KIF6: variants seen among roughly 807,000 people sequenced by gnomAD.
KIF6 encodes kinesin family member 6.
In KIF6, 106 loss-of-function variants were observed where a neutral mutation model predicts 112.7. The ratio of observed to expected loss-of-function variants is 0.94; its 90% CI spans 0.80 to 1.11. KIF6 has a LOEUF of 1.11. KIF6 is among the 50% of genes least tolerant of loss of function. The pLI is 0.00. For missense variants in KIF6, 929 were observed against 964.0 expected (o/e 0.96, Z 0.48); for synonymous variants, 339 against 339.9 (o/e 1.00, Z 0.03).
At chr6:39,663,274 T>G (rs999576802) in intron 3 of KIF6, among the ~76,000 whole-genome samples, 4 of 152,206 alleles carry the variant, frequency 2.6e-5, no homozygotes, top group Non-Finnish European at 5.9e-5. Context: ...AATTTAAATT[T>G]TGAAACAAGA....
intron 5 of KIF6, among the ~76,000 whole-genome samples, chr6:39,616,822 T>C (rs1783547046): frequency 6.6e-6 from 1 of 152,322 alleles, no homozygotes; most frequent in South Asian, 2.1e-4. Flanking sequence ...GAGAGTGTTT[T>C]AAATTCTACT....
intron 10 of KIF6, among the ~76,000 whole-genome samples, chr6:39,555,441 A>C (rs1779644379): frequency 2.0e-5 from 3 of 151,884 alleles, no homozygotes; most frequent in Non-Finnish European, 4.4e-5. Flanking sequence ...CCTCTTGTGT[A>C]TGCTACCCTG....
intron 3 of KIF6, among the ~76,000 whole-genome samples, chr6:39,670,466 T>G (rs746953745): frequency 8.6e-5 from 13 of 152,038 alleles, no homozygotes; most frequent in Non-Finnish European, 1.3e-4. Context: ...ATTAAGAAAA[T>G]TATAAGGAAG....
chr6:39,684,158 T>C (rs1787705078), intron 3 of KIF6, among the ~76,000 whole-genome samples: 1 of 152,170 alleles, frequency 6.6e-6, no homozygotes, highest in Non-Finnish European at 1.5e-5. Context: ...CAGATACTCA[T>C]GAAGGGAGAC....
intron 2 of KIF6, chr6:39,715,100 G>A: frequency 5.2e-6 from 1 of 190,626 alleles, no homozygotes; most frequent in Non-Finnish European, 1.1e-5. Context: ...AAACCAGATA[G>A]CTGCATGAAA....
chr6:39,401,109 A>G (rs1768666047), intron 15 of KIF6, among the ~76,000 whole-genome samples: 1 of 152,254 alleles, frequency 6.6e-6, no homozygotes, highest in Non-Finnish European at 1.5e-5. Context: ...TGAAGAAGAG[A>G]TAAGTATCTG....
chr6:39,644,080 C>T (rs1254684927), intron 3 of KIF6, among the ~76,000 whole-genome samples: 2 of 151,834 alleles, frequency 1.3e-5, no homozygotes, highest in African/African-American at 4.8e-5. Flanking sequence ...TAAAAAGATG[C>T]TCAACATAAT....
intron 10 of KIF6, among the ~76,000 whole-genome samples, chr6:39,555,449 C>T (rs966172536): frequency 3.3e-5 from 5 of 152,096 alleles, no homozygotes; most frequent in Non-Finnish European, 5.9e-5. Flanking sequence ...GTATGCTACC[C>T]TGCTGGGCCC....
chr6:39,608,094 C>T (rs2150709864), intron 6 of KIF6, among the ~76,000 whole-genome samples: 1 of 152,270 alleles, frequency 6.6e-6, no homozygotes, highest in South Asian at 2.1e-4. Flanking sequence ...AACCCCAACT[C>T]ACACCCTGTC....
At chr6:39,609,642 T>C (rs1375322168) in intron 6 of KIF6, among the ~76,000 whole-genome samples, 1 of 152,176 alleles carries the variant, frequency 6.6e-6, no homozygotes, top group Non-Finnish European at 1.5e-5. Context: ...TATAAAAGTA[T>C]TTGGTAATCA....
At chr6:39,396,196 G>A (rs1191695462) in intron 15 of KIF6, among the ~76,000 whole-genome samples, 1 of 152,194 alleles carries the variant, frequency 6.6e-6, no homozygotes, top group East Asian at 1.9e-4. Flanking sequence ...GTGAATAAAA[G>A]ACAAAACTGA....
At chr6:39,691,901 A>G (rs763145600) in intron 3 of KIF6, 14 of 152,258 alleles carry the variant, frequency 9.2e-5, no homozygotes, top group Non-Finnish European at 1.5e-4. Flanking sequence ...CACTTCTTAC[A>G]GTCACCGTGT....
At chr6:39,661,204 GATA>G (rs1197430231) in intron 3 of KIF6, among the ~76,000 whole-genome samples, 10 of 152,192 alleles carry the variant, frequency 6.6e-5, no homozygotes, top group African/African-American at 2.2e-4. Flanking sequence ...TAAAATATTT[GATA>G]ATAATAATTT....
chr6:39,438,966 C>G (rs1771740749), intron 13 of KIF6, among the ~76,000 whole-genome samples: 1 of 152,198 alleles, frequency 6.6e-6, no homozygotes, highest in African/African-American at 2.4e-5. Flanking sequence ...GTATTCAGTA[C>G]AGTAACATGC....
At chr6:39,411,756 T>C (rs1303127152) in intron 15 of KIF6, among the ~76,000 whole-genome samples, 1 of 152,240 alleles carries the variant, frequency 6.6e-6, no homozygotes, top group African/African-American at 2.4e-5. Context: ...ATTGTGACCA[T>C]GGGAACCTAT....
chr6:39,645,214 T>C (rs1561892936), intron 3 of KIF6, among the ~76,000 whole-genome samples: 1 of 152,170 alleles, frequency 6.6e-6, no homozygotes, highest in Non-Finnish European at 1.5e-5. Context: ...CTAAGGTAGT[T>C]TGTCATTTCT....
In KIF6 at chr6:39,364,068, A is replaced by G. The variant is rs180857612; in HGVS notation, c.1862-1550T>C. 1.5e-3 allele frequency among the ~76,000 whole-genome samples: 225 copies of G among 151,418 alleles called. 2 individuals carry two copies. Among genetic ancestry groups the G allele is most frequent in the African/African-American group, 4.9e-3 (201 of 41,240 alleles). ...ATGGTCCCTTAAATATCTGAACAAC[A>G]ACATCAAAATATCACATGTGTCTGG... On this transcript the variant is annotated intron_variant, in intron 16 of 22. Coordinates refer to ENST00000287152, the MANE Select transcript of KIF6 (RefSeq NM_145027.6).
At chr6:39,624,973 T>C in intron 5 of KIF6, among the ~76,000 whole-genome samples, 1 of 113,594 alleles carries the variant, frequency 8.8e-6, no homozygotes, top group East Asian at 2.4e-4. Flanking sequence ...TAATTCGGTT[T>C]AAATGAGGAC....
chr6:39,614,916 A>C (rs1174411305), intron 5 of KIF6, among the ~76,000 whole-genome samples: 1 of 152,204 alleles, frequency 6.6e-6, no homozygotes, highest in Non-Finnish European at 1.5e-5. Flanking sequence ...GGAAGTAATG[A>C]TTCTTCCTAA....
Sources: gnomAD v4.1 joint callset for allele counts (sites outside exome capture counted in the v4.1 genomes callset) on GRCh38, gnomAD v4.1.1 for gene constraint, MANE v1.5 for transcripts, NCBI Gene and HGNC (gene_info 2026-07-23, HGNC 2026-07-21) for gene names.